Variants in SULT4A1 observed in about 807,000 individuals in gnomAD.
SULT4A1 encodes the protein sulfotransferase 4A1.
Under a neutral mutation model 35.2 loss-of-function variants are expected in SULT4A1, and 11 were observed. The observed-to-expected ratio is 0.31, with a 90% CI of 0.20 to 0.52. The LOEUF is 0.52. Ranked by LOEUF, SULT4A1 falls within the 20% of genes least tolerant of loss-of-function variation. SULT4A1 has a pLI of 0.97. For missense variants in SULT4A1, 271 were observed against 383.7 expected (o/e 0.71, Z 2.45); for synonymous variants, 152 against 151.8 (o/e 1.00, Z -0.01).
At chr22:43,839,261 G>T (rs929638199) in intron 3 of SULT4A1, among the ~76,000 whole-genome samples, 8 of 152,252 alleles carry the variant, frequency 5.3e-5, no homozygotes, top group African/African-American at 1.7e-4. Flanking sequence ...AAAATCTGCA[G>T]AAGACAAAAA....
Position 43,829,919 on chromosome 22 carries a change from A to C in SULT4A1, c.604-721T>G, listed in dbSNP as rs189025961. 3.5e-3 allele frequency among the ~76,000 whole-genome samples: 531 copies of C among 152,340 alleles called. 4 individuals carry two copies. The highest frequency in any genetic ancestry group is 0.012 in the African/African-American group (486 of 41,578). ...GGTTTGTAAAGCAAATTCCCGCATTAAAGCCTCTAAAAAGTCCTACAGTGA... is the reference window on the plus strand; with the variant it reads ...GGTTTGTAAAGCAAATTCCCGCATTCAAGCCTCTAAAAAGTCCTACAGTGA... On this transcript the variant is annotated intron_variant, in intron 5 of 6. Coordinates refer to ENST00000330884, the MANE Select transcript of SULT4A1 (RefSeq NM_014351.4).
In SULT4A1 at chr22:43,857,894, C is replaced by CA. The variant is rs2049419816; in HGVS notation, c.169+4319dup. ...GTGAGACCCTATCTCTACAAAAATA[C>CA]AAAAAATTAGCCAGGTGTGGTGGCG... On this transcript the variant is annotated intron_variant, in intron 1 of 6. Coordinates refer to ENST00000330884, the MANE Select transcript of SULT4A1 (RefSeq NM_014351.4). Among the ~76,000 whole-genome samples, 3 of 151,374 alleles carry CA rather than the reference C, an allele frequency of 2.0e-5. No individual in the cohort carries two copies. The South Asian group carries it at 6.3e-4, about 32-fold the overall frequency.
chr22:43,860,802 G>A (rs546857810), intron 1 of SULT4A1, among the ~76,000 whole-genome samples: 18 of 152,298 alleles, frequency 1.2e-4, no homozygotes, highest in African/African-American at 4.3e-4. Flanking sequence ...AAGAAGGCTA[G>A]GTCCCCCTCC....
intron 1 of SULT4A1, among the ~76,000 whole-genome samples, chr22:43,845,775 T>C (rs2063472430): frequency 6.6e-6 from 1 of 151,926 alleles, no homozygotes; most frequent in African/African-American, 2.4e-5. Context: ...AACACGAGAT[T>C]CTCATAGGAG....
Position 43,826,387 on chromosome 22 carries a change from ACCCC to A in SULT4A1, c.743-278_743-275del, listed in dbSNP as rs368846121. 238 of 984,330 alleles carry A rather than the reference ACCCC, an allele frequency of 2.4e-4. 1 individual carries two copies. In the African/African-American group the frequency reaches 3.3e-3, roughly 14 times the overall value. 61.0% of individuals were successfully genotyped at this position (984,330 alleles called of 1,614,324 possible). A position where few individuals can be genotyped will look rare whatever the true frequency, so the allele number is the denominator to read the frequency against. On this transcript the variant is annotated intron_variant, in intron 6 of 6. Coordinates refer to ENST00000330884, the MANE Select transcript of SULT4A1 (RefSeq NM_014351.4). ...CAACCACCTCCTGGTGCCATTCCAC[ACCCC>A]CCGCTGGGGCCCACCAGGGAGACTC... is the stretch of plus-strand genomic sequence containing the variant.
Position 43,841,979 on chromosome 22 carries a change from C to T in SULT4A1, c.170-47G>A, listed in dbSNP as rs758788850. ...GCGGGGTGCTCAGAGGAGGCCCACGCGCCCGGCCCTGTGCTCGGGTCAACA... is the reference window on the plus strand; with the variant it reads ...GCGGGGTGCTCAGAGGAGGCCCACGTGCCCGGCCCTGTGCTCGGGTCAACA... On this transcript the variant is annotated intron_variant, in intron 1 of 6. Transcript: ENST00000330884. The T allele has an allele frequency of 5.1e-5, 81 of 1,584,636 alleles. No homozygotes were observed. In the Admixed American group the frequency reaches 1.1e-3, roughly 21 times the overall value.
At chr22:43,857,885 A>G (rs1387120070) in intron 1 of SULT4A1, among the ~76,000 whole-genome samples, 4 of 151,590 alleles carry the variant, frequency 2.6e-5, no homozygotes, top group Non-Finnish European at 5.9e-5. Context: ...CCCTATCTCT[A>G]CAAAAATACA....
chr22:43,832,421 C>T (rs1272980984), intron 5 of SULT4A1, among the ~76,000 whole-genome samples: 7 of 152,192 alleles, frequency 4.6e-5, no homozygotes, highest in South Asian at 2.1e-4. Flanking sequence ...GACCTGCAGA[C>T]GGGGTCCTTC....
At chr22:43,840,914 G>T (rs1156930325) in intron 2 of SULT4A1, among the ~76,000 whole-genome samples, 1 of 149,856 alleles carries the variant, frequency 6.7e-6, no homozygotes, top group Non-Finnish European at 1.5e-5. Context: ...TCCTCTTTCA[G>T]GACCTGCCTC....
intron 5 of SULT4A1, among the ~76,000 whole-genome samples, chr22:43,833,380 C>T (rs945564664): frequency 7.2e-5 from 11 of 152,016 alleles, no homozygotes; most frequent in Non-Finnish European, 1.5e-4. Flanking sequence ...AAGCCAAGCC[C>T]CAGTCCCCTC....
chr22:43,835,143 C>G (rs1254646694), intron 4 of SULT4A1, among the ~76,000 whole-genome samples: 40 of 144,642 alleles, frequency 2.8e-4, no homozygotes, highest in Admixed American at 4.8e-4. Flanking sequence ...GCTTCCCGCG[C>G]CCCCACCGCA....
chr22:43,831,352 A>G (rs1603404199), intron 5 of SULT4A1, among the ~76,000 whole-genome samples: 1 of 136,496 alleles, frequency 7.3e-6, no homozygotes, highest in East Asian at 2.6e-4. Flanking sequence ...TCACCTTCTC[A>G]TGTTGGGGCC....
chr22:43,849,123 T>TGGCCTGTCTCAACACCGGGCACAG (rs2063494795), intron 1 of SULT4A1, among the ~76,000 whole-genome samples: 3 of 152,178 alleles, frequency 2.0e-5, no homozygotes, highest in Non-Finnish European at 2.9e-5. Context: ...CTCTAGGGCA[T>TGGCCTGTCTCAACACCGGGCACAG]GGCCTGTCTC....
chr22:43,855,165 C>T (rs1243863288), intron 1 of SULT4A1, among the ~76,000 whole-genome samples: 2 of 152,220 alleles, frequency 1.3e-5, no homozygotes, highest in African/African-American at 4.8e-5. Context: ...GGGCTGGCAC[C>T]ACCCAAAGCC....
chr22:43,858,748 T>A (rs545805860), intron 1 of SULT4A1, among the ~76,000 whole-genome samples: 1 of 132,158 alleles, frequency 7.6e-6, no homozygotes, highest in East Asian at 2.2e-4. Context: ...TGTGGGTGGT[T>A]TCTCTCCAGG....
intron 1 of SULT4A1, among the ~76,000 whole-genome samples, chr22:43,853,355 A>T (rs2049365423): frequency 6.6e-6 from 1 of 152,146 alleles, no homozygotes; most frequent in African/African-American, 2.4e-5. Context: ...ACTGACCTCC[A>T]CCCATGACAG....
At chr22:43,862,059 G>A (rs2049476753) in intron 1 of SULT4A1, among the ~76,000 whole-genome samples, 155 bp downstream of exon 1, 1 of 150,938 alleles carries the variant, frequency 6.6e-6, no homozygotes, top group South Asian at 2.1e-4. Flanking sequence ...GCCCCGCAGG[G>A]ATCCGAGCAT....
chr22:43,841,718 C>A (rs1274699156), intron 2 of SULT4A1, 84 bp downstream of exon 2: 1 of 1,547,304 alleles, frequency 6.5e-7, no homozygotes, highest in African/African-American at 1.4e-5. Flanking sequence ...CACAGAGCCC[C>A]CAGGAGCAAC....
Position 43,833,676 on chromosome 22 carries a change from C to T in SULT4A1, c.567G>A (p.Ser189=), listed in dbSNP as rs771223070. Residue 189 remains serine, a synonymous_variant, in exon 5 of 7, where the codon TCG becomes TCA. Transcript: ENST00000330884. ...CTTCATACTTGAGAAAAAGCACGTT[C>T]GAGTCCATGCGGTGCTCCCAGAACT... ...VQEFWEHRMD[S]NVLFLKYEDM... 7 of 1,593,938 alleles carry T rather than the reference C, an allele frequency of 4.4e-6. No individual in the cohort carries two copies. The highest frequency in any genetic ancestry group is 5.1e-6 in the Non-Finnish European group (6 of 1,170,058).
Sources: allele counts gnomAD v4.1 joint callset (sites outside exome capture counted in the v4.1 genomes callset), GRCh38; gene constraint gnomAD v4.1.1; transcripts MANE v1.5; gene names NCBI Gene and HGNC (gene_info 2026-07-23, HGNC 2026-07-21).